Variants in CUL3 observed in about 807,000 individuals in gnomAD.
CUL3 encodes the protein cullin-3.
A neutral mutation model predicts 89.1 loss-of-function variants in CUL3; 19 were observed. That is an observed-to-expected ratio of 0.21 (90% CI 0.15 to 0.31). The LOEUF is 0.31. Among genes scored for constraint, CUL3 ranks in the 10% least tolerant of loss-of-function variants. The pLI, the probability that CUL3 is intolerant of heterozygous loss-of-function variation, is 1.00. For synonymous variants in CUL3, 351 were observed against 308.4 expected (o/e 1.14, Z -1.45); for missense variants, 469 against 942.3 (o/e 0.50, Z 6.58).
At chr2:224,554,851 A>T (rs1005245019) in intron 2 of CUL3, among the ~76,000 whole-genome samples, 4 of 152,092 alleles carry the variant, frequency 2.6e-5, no homozygotes, top group Non-Finnish European at 4.4e-5. Flanking sequence ...CAGCTGTTCC[A>T]ATCTTCTCTC....
At chr2:224,537,315 T>A (rs1693933207) in intron 2 of CUL3, among the ~76,000 whole-genome samples, 1 of 152,188 alleles carries the variant, frequency 6.6e-6, no homozygotes. Flanking sequence ...GATTTAATGA[T>A]GAGACAATAT....
intron 1 of CUL3, among the ~76,000 whole-genome samples, chr2:224,581,661 C>G (rs111535991): frequency 6.5e-4 from 98 of 151,522 alleles, no homozygotes; most frequent in African/African-American, 2.3e-3. Context: ...TATCACCACA[C>G]CTGGCAAATT....
At chr2:224,543,800 A>C (rs925530984) in intron 2 of CUL3, among the ~76,000 whole-genome samples, 6 of 152,122 alleles carry the variant, frequency 3.9e-5, no homozygotes, top group African/African-American at 1.4e-4. Context: ...CCTGGACAAC[A>C]TGGCAAAACC....
At chr2:224,515,720 C>A (rs2106225602) in intron 3 of CUL3, among the ~76,000 whole-genome samples, 1 of 149,712 alleles carries the variant, frequency 6.7e-6, no homozygotes, top group Non-Finnish European at 1.5e-5. Context: ...GAGATGGAGT[C>A]TCATTCACTC....
intron 6 of CUL3, among the ~76,000 whole-genome samples, chr2:224,507,288 CA>C (rs1272344670): frequency 1.3e-5 from 2 of 151,964 alleles, no homozygotes; most frequent in African/African-American, 2.4e-5. Context: ...TGTCAAAAAC[CA>C]TAATAAACAA....
intron 8 of CUL3, among the ~76,000 whole-genome samples, chr2:224,504,882 C>T (rs964079484): frequency 6.6e-6 from 1 of 152,106 alleles, no homozygotes; most frequent in African/African-American, 2.4e-5. Flanking sequence ...CTGTCGTGAG[C>T]TCCTCAGGTT....
Position 224,513,598 on chromosome 2 carries a change from C to T in CUL3, c.580G>A (p.Gly194Ser). 1 of 1,602,350 alleles carries T rather than the reference C, an allele frequency of 6.2e-7. No homozygotes were observed. ...RNACQMLMIL[G>S]LEGRSVYEED... ...TCATAGACTGATCTTCCTTCGAGAC[C>T]TAAAATCATTAACATCTGGCAAGCA... Residue 194 changes from glycine to serine, a missense_variant, in exon 5 of 16, where the codon GGT (glycine) becomes AGT (serine). Coordinates refer to ENST00000264414, the MANE Select transcript of CUL3 (RefSeq NM_003590.5).
intron 3 of CUL3, among the ~76,000 whole-genome samples, chr2:224,535,001 A>AAAATAAATAAATAAAT (rs201253756): frequency 9.0e-5 from 12 of 133,170 alleles, no homozygotes; most frequent in East Asian, 6.4e-4. Flanking sequence ...ACCCCGTCTC[A>AAAATAAATAAATAAAT]AAATAAATAA....
chr2:224,500,651 G>A (rs183157818), intron 10 of CUL3, among the ~76,000 whole-genome samples, 164 bp from the exon 11 acceptor site: 4 of 135,502 alleles, frequency 3.0e-5, no homozygotes, highest in African/African-American at 1.1e-4. Context: ...TTTTGAGACA[G>A]AGTTTCGCTC....
intron 1 of CUL3, among the ~76,000 whole-genome samples, chr2:224,575,807 A>G (rs867286702): frequency 4.6e-5 from 7 of 152,192 alleles, no homozygotes; most frequent in African/African-American, 1.2e-4. Context: ...AAGTTTGAAG[A>G]TTTTTAAACT....
chr2:224,553,931 TTATAA>T (rs1405059967), intron 2 of CUL3, among the ~76,000 whole-genome samples: 3 of 152,184 alleles, frequency 2.0e-5, no homozygotes, highest in Non-Finnish European at 4.4e-5. Flanking sequence ...TTTAAGCAAC[TTATAA>T]TATACTGAAA....
At position 224,470,242 on chromosome 2, in the gene CUL3, G is replaced by A. The variant is rs1318175940; in HGVS notation, c.*4003C>T. The A allele has an allele frequency of 9.3e-6, 2 of 216,122 alleles. No individual in the cohort carries two copies. Among genetic ancestry groups the A allele is most frequent in the East Asian group, 1.4e-4 (2 of 14,406 alleles). 13.4% of individuals were successfully genotyped at this position (216,122 alleles called of 1,614,324 possible). ...TGAACTGTCCTGTTATTAAAATCTT[G>A]AAATTTGACAATTTCATTGTTACTA... On this transcript the variant is annotated 3_prime_UTR_variant, in exon 16 of 16. Coordinates refer to ENST00000264414, the MANE Select transcript of CUL3 (RefSeq NM_003590.5).
At chr2:224,581,844 TAC>T (rs1446466300) in intron 1 of CUL3, among the ~76,000 whole-genome samples, 5 of 152,184 alleles carry the variant, frequency 3.3e-5, no homozygotes, top group African/African-American at 1.2e-4. Context: ...TTGGTGAAAC[TAC>T]AGTTTCCCTT....
chr2:224,559,452 C>CAAAAAA (rs34898102), intron 1 of CUL3, among the ~76,000 whole-genome samples: 4 of 67,516 alleles, frequency 5.9e-5, no homozygotes, highest in African/African-American at 1.6e-4. Flanking sequence ...GATTGTGTCT[C>CAAAAAA]AAAAAAAAAA....
At chr2:224,487,502 C>CA (rs1225847335) in intron 13 of CUL3, among the ~76,000 whole-genome samples, 2 of 95,012 alleles carry the variant, frequency 2.1e-5, no homozygotes, top group Non-Finnish European at 4.2e-5. Flanking sequence ...TAAAAAAAGA[C>CA]AAAGAAGGGC....
intron 3 of CUL3, among the ~76,000 whole-genome samples, chr2:224,517,374 A>G (rs1693094409): frequency 6.6e-6 from 1 of 152,142 alleles, no homozygotes; most frequent in Admixed American, 6.5e-5. Flanking sequence ...ACTGAAGCTC[A>G]ATATTGTATA....
chr2:224,511,403 T>G lies in CUL3; in HGVS notation c.834A>C (p.Glu278Asp). 1 of 1,613,758 alleles carries G rather than the reference T, an allele frequency of 6.2e-7. No homozygotes were observed. Among genetic ancestry groups the G allele is most frequent in the Non-Finnish European group, 8.5e-7 (1 of 1,179,840 alleles). ...TATGTACTAGCCCAGAATTCTCCAT[T>G]TCTACTATAGTCTTCATGTGCTTGG... ...LISKHMKTIV[E>D]MENSGLVHML... The change falls in exon 6 of 16, where the codon GAA (glutamate) becomes GAC (aspartate). Residue 278 changes from glutamate to aspartate, a missense_variant. This residue lies in a region of CUL3 where 370 missense variants were observed against 733.2 expected (regional missense o/e 0.50). Transcript: ENST00000264414.
intron 2 of CUL3, among the ~76,000 whole-genome samples, chr2:224,550,507 C>T (rs1694475123): frequency 6.6e-6 from 1 of 152,098 alleles, no homozygotes; most frequent in Non-Finnish European, 1.5e-5. Flanking sequence ...TCAAACTTCT[C>T]GGATAATTTG....
intron 1 of CUL3, among the ~76,000 whole-genome samples, chr2:224,580,371 T>C (rs945743968): frequency 1.3e-5 from 2 of 152,160 alleles, no homozygotes; most frequent in African/African-American, 2.4e-5. Context: ...CTACAGACAA[T>C]GATGAAGGTA....
Sources: allele counts gnomAD v4.1 joint callset (sites outside exome capture counted in the v4.1 genomes callset), GRCh38; gene constraint gnomAD v4.1.1; regional missense constraint gnomAD v4.1.1; transcripts MANE v1.5; gene names NCBI Gene and HGNC (gene_info 2026-07-23, HGNC 2026-07-21).